SLIT1: variants seen among roughly 807,000 people sequenced by gnomAD.
SLIT1 encodes the protein slit guidance ligand 1.
Under a neutral mutation model 186.1 loss-of-function variants are expected in SLIT1, and 66 were observed. The observed-to-expected ratio is 0.35, with a 90% CI of 0.29 to 0.44. The LOEUF (loss-of-function observed/expected upper bound fraction) is 0.44, where lower values mean the gene tolerates loss of function less well. Among genes scored for constraint, SLIT1 ranks in the 20% least tolerant of loss-of-function variants. The pLI is 1.00. For missense variants in SLIT1, 1,638 were observed against 2,037.4 expected, an observed-to-expected ratio of 0.80 and a Z score of 3.77; for synonymous variants, 761 against 833.8, an observed-to-expected ratio of 0.91 and a Z score of 1.50.
At chr10:97,096,387 G>A (rs748647013) in intron 4 of SLIT1, among the ~76,000 whole-genome samples, 2 of 148,290 alleles carry the variant, frequency 1.3e-5, no homozygotes, top group African/African-American at 2.5e-5. Context: ...GAGCCCCCCC[G>A]CCAGCGCCCT....
At chr10:97,149,703 G>A (rs11189014) in intron 4 of SLIT1, among the ~76,000 whole-genome samples, 11,024 of 152,162 alleles carry the variant, frequency 0.072, 642 homozygotes, top group African/African-American at 0.17. Flanking sequence ...TCAAGGACTG[G>A]CAGTTTGAAG....
chr10:97,185,457 A>G (rs1183924728), intron 1 of SLIT1, 21 bp downstream of exon 1: 11 of 1,606,192 alleles, frequency 6.8e-6, no homozygotes, highest in African/African-American at 1.3e-5. Context: ...CCAGGGAGCC[A>G]GGGGCGGGGA....
At chr10:97,093,886 T>A (rs1486684719) in intron 4 of SLIT1, among the ~76,000 whole-genome samples, 1 of 152,176 alleles carries the variant, frequency 6.6e-6, no homozygotes, top group African/African-American at 2.4e-5. Flanking sequence ...AGCAAAGTCC[T>A]GAGATGAAGA....
At chr10:97,064,536 G>A (rs1489100333) in intron 6 of SLIT1, among the ~76,000 whole-genome samples, 2 of 152,148 alleles carry the variant, frequency 1.3e-5, no homozygotes, top group Non-Finnish European at 2.9e-5. Flanking sequence ...AAGAAAGGTG[G>A]GGTTTGGATA....
intron 22 of SLIT1, among the ~76,000 whole-genome samples, chr10:97,036,666 G>A (rs1848641037): frequency 6.6e-6 from 1 of 152,208 alleles, no homozygotes; most frequent in Non-Finnish European, 1.5e-5. Flanking sequence ...TGGGACTGAT[G>A]TGGGCCCGTA....
At chr10:97,066,158 T>G in intron 4 of SLIT1, 72 bp from the exon 5 acceptor site, 1 of 1,269,866 alleles carries the variant, frequency 7.9e-7, no homozygotes, top group Non-Finnish European at 1.1e-6. Context: ...CTGTGATAAG[T>G]CAGGGAAGCA....
At chr10:97,141,715 CTGT>C (rs1564686479) in intron 4 of SLIT1, among the ~76,000 whole-genome samples, 43 of 110,330 alleles carry the variant, frequency 3.9e-4, no homozygotes, top group African/African-American at 1.6e-3. Context: ...TTGTATTGTA[CTGT>C]ATTGTATTGT....
At chr10:97,081,449 G>A (rs1222599478) in intron 4 of SLIT1, among the ~76,000 whole-genome samples, 1 of 152,154 alleles carries the variant, frequency 6.6e-6, no homozygotes, top group Admixed American at 6.5e-5. Flanking sequence ...CTCTTCCTCA[G>A]GGGAAATGGG....
chr10:97,076,284 A>G (rs1272736195), intron 4 of SLIT1, among the ~76,000 whole-genome samples: 1 of 152,162 alleles, frequency 6.6e-6, no homozygotes, highest in Non-Finnish European at 1.5e-5. Flanking sequence ...TGCTCAGGCC[A>G]GGGAATGGGA....
intron 8 of SLIT1, among the ~76,000 whole-genome samples, chr10:97,061,049 A>G (rs1441091196): frequency 6.6e-6 from 1 of 152,190 alleles, no homozygotes; most frequent in African/African-American, 2.4e-5. Flanking sequence ...ACACTAAGAA[A>G]TCCTGGCCTA....
intron 4 of SLIT1, among the ~76,000 whole-genome samples, chr10:97,104,346 A>G (rs2134673768): frequency 6.6e-6 from 1 of 152,230 alleles, no homozygotes; most frequent in East Asian, 1.9e-4. Flanking sequence ...AGTCAAGGGT[A>G]GGGACTTTGG....
At chr10:97,005,186 G>C (rs1848349649) in intron 32 of SLIT1, among the ~76,000 whole-genome samples, 1 of 152,180 alleles carries the variant, frequency 6.6e-6, no homozygotes, top group Non-Finnish European at 1.5e-5. Flanking sequence ...TTGCCCTGTG[G>C]GCCTTGGGGA....
At chr10:97,116,876 G>T (rs917487334) in intron 4 of SLIT1, among the ~76,000 whole-genome samples, 1 of 152,152 alleles carries the variant, frequency 6.6e-6, no homozygotes, top group Non-Finnish European at 1.5e-5. Flanking sequence ...GAGCTCCAAA[G>T]ACCTGGGATT....
chr10:97,003,947 G>C (rs1294869449), intron 34 of SLIT1, 121 bp downstream of exon 34: 5 of 917,448 alleles, frequency 5.4e-6, no homozygotes, highest in Non-Finnish European at 6.6e-6. Context: ...CCTGCAGCTT[G>C]GCCACCACCA....
intron 4 of SLIT1, among the ~76,000 whole-genome samples, chr10:97,116,959 C>T (rs1030100879): frequency 1.3e-5 from 2 of 152,150 alleles, no homozygotes; most frequent in South Asian, 4.1e-4. Flanking sequence ...ACTCTGCTGC[C>T]CACTGTTGTG....
rs1404483644 is a variant in SLIT1, at chr10:97,002,153, CT to C, written c.4366+4del. The stretch of plus-strand genomic sequence containing the variant: ...GGAGGGCACGTCAGGAGGGGGGCCC[CT>C]GACCTTGCTCACACAGCTCGCCCGA... On this transcript the variant is annotated splice_donor_region_variant and intron_variant, in intron 36 of 36. Transcript: ENST00000266058. 1 of 1,440,230 alleles carries C rather than the reference CT, an allele frequency of 6.9e-7. No individual in the cohort carries two copies. The highest frequency in any genetic ancestry group is 2.6e-5 in the East Asian group (1 of 39,160). The allele number at this position is 1,440,230 out of a possible 1,614,324, so 89.2% of individuals were successfully genotyped here.
At chr10:97,128,129 C>G (rs1045817348) in intron 4 of SLIT1, among the ~76,000 whole-genome samples, 1 of 152,060 alleles carries the variant, frequency 6.6e-6, no homozygotes. Flanking sequence ...CCCTCTGCCT[C>G]TTGTAAGTGA....
At chr10:97,101,222 GA>G (rs2134670740) in intron 4 of SLIT1, 1 of 152,364 alleles carries the variant, frequency 6.6e-6, no homozygotes, top group East Asian at 1.9e-4. Flanking sequence ...GGAGAATAGA[GA>G]GGGAGTCACC....
At chr10:97,046,834 A>T in intron 17 of SLIT1, 37 bp from the exon 18 acceptor site, 1 of 1,604,156 alleles carries the variant, frequency 6.2e-7, no homozygotes, top group Non-Finnish European at 8.5e-7. Context: ...ACATATGGCC[A>T]GCAGCCAGGA....
Sources: allele counts gnomAD v4.1 joint callset (sites outside exome capture counted in the v4.1 genomes callset), GRCh38; gene constraint gnomAD v4.1.1; transcripts MANE v1.5; gene names NCBI Gene and HGNC (gene_info 2026-07-23, HGNC 2026-07-21).